TRRAP: variants seen among roughly 807,000 people sequenced by gnomAD.
TRRAP encodes the protein transformation/transcription domain-associated protein.
Under a neutral mutation model 438.8 loss-of-function variants are expected in TRRAP, and 41 were observed. That is an observed-to-expected ratio of 0.09 (90% CI 0.07 to 0.12). The LOEUF (loss-of-function observed/expected upper bound fraction) is 0.12. Ranked by LOEUF, TRRAP falls within the 10% of genes least tolerant of loss-of-function variation. The pLI is 1.00. For missense variants in TRRAP, 3,122 were observed against 5,055.1 expected, an observed-to-expected ratio of 0.62 and a Z score of 11.60; for synonymous variants, 1,994 against 1,962.9, an observed-to-expected ratio of 1.02 and a Z score of -0.42.
At chr7:98,927,902 T>A (rs1204959594) in intron 23 of TRRAP, among the ~76,000 whole-genome samples, 4 of 152,182 alleles carry the variant, frequency 2.6e-5, no homozygotes, top group African/African-American at 9.7e-5. Context: ...TTGTATTTGT[T>A]CACTTTTATT....
chr7:98,883,335 T>TA (rs1795546891), intron 3 of TRRAP, among the ~76,000 whole-genome samples: 2 of 152,248 alleles, frequency 1.3e-5, no homozygotes, highest in South Asian at 4.1e-4. Flanking sequence ...TGGTTCTTCA[T>TA]ACATTTCATT....
chr7:98,913,941 C>G (rs1789399964), intron 18 of TRRAP, among the ~76,000 whole-genome samples: 1 of 152,274 alleles, frequency 6.6e-6, no homozygotes, highest in East Asian at 1.9e-4. Flanking sequence ...GAGATGCTTT[C>G]TTGGGAAAAT....
In TRRAP at chr7:98,894,783, G is replaced by GTTTTTTTTTTTTTTTT. The variant is rs56407045; in HGVS notation, c.450+912_450+927dup. On this transcript the variant is annotated intron_variant, in intron 6 of 72. Coordinates refer to ENST00000456197, the MANE Select transcript of TRRAP (RefSeq NM_001375524.1). ...CTTATGCCACCACACCCAGCTAATG[G>GTTTTTTTTTTTTTTTT]TTTTTTTTTTTTTTTTTTTTTTTTT... Among the ~76,000 whole-genome samples, 23 of 87,416 alleles carry GTTTTTTTTTTTTTTTT rather than the reference G, an allele frequency of 2.6e-4. 1 individual carries two copies. The highest frequency in any genetic ancestry group is 5.2e-4 in the South Asian group (1 of 1,924). The allele number at this position is 87,416 out of a possible 152,430, so 57.3% of individuals were successfully genotyped here. A position where few individuals can be genotyped will look rare whatever the true frequency, so the allele number is the denominator to read the frequency against.
intron 37 of TRRAP, 39 bp downstream of exon 37, chr7:98,949,880 C>G (rs781931878): frequency 1.9e-5 from 31 of 1,594,926 alleles, no homozygotes; most frequent in East Asian, 1.8e-4. Flanking sequence ...GGGACTGGCT[C>G]TGTCCCAAAA....
Position 98,933,414 on chromosome 7 carries a change from G to A in TRRAP, c.4014+12G>A, listed in dbSNP as rs782632173. On this transcript the variant is annotated intron_variant, in intron 27 of 72. Transcript: ENST00000456197. ...TGTTCTACACAGAGGTAGGGGGGTG[G>A]TGGTGCGGAGTGGTGTGGATGGTGA... 1 of 1,609,568 alleles carries A rather than the reference G, an allele frequency of 6.2e-7. No individual in the cohort carries two copies. Among genetic ancestry groups the A allele is most frequent in the Non-Finnish European group, 8.5e-7 (1 of 1,178,358 alleles).
intron 24 of TRRAP, 90 bp from the exon 25 acceptor site, chr7:98,930,543 A>G: frequency 6.6e-7 from 1 of 1,525,112 alleles, no homozygotes; most frequent in East Asian, 2.3e-5. Flanking sequence ...ACACCATTGC[A>G]CTCCGGCCTG....
In TRRAP at chr7:98,961,244, T is replaced by C. The variant is rs769536935; in HGVS notation, c.6490-17T>C. 2.5e-6 allele frequency: 4 copies of C among 1,612,942 alleles called. No individual in the cohort carries two copies. The South Asian group carries it at 3.3e-5, about 13-fold the overall frequency. ...GTGTTTGTTTCCTCTGTGAGTGGCC[T>C]GTGTTGTCCATTGCAGGAGCAGCCA... is the stretch of plus-strand genomic sequence containing the variant. On this transcript the variant is annotated splice_polypyrimidine_tract_variant and intron_variant, in intron 45 of 72. Transcript: ENST00000456197.
chr7:98,921,997 A>G (rs201941452), intron 21 of TRRAP, 44 bp downstream of exon 21: 1 of 1,612,154 alleles, frequency 6.2e-7, no homozygotes, highest in African/African-American at 1.3e-5. Flanking sequence ...CCTTGTGAAG[A>G]TACTATGTTT....
intron 3 of TRRAP, among the ~76,000 whole-genome samples, chr7:98,887,877 G>T (rs1281424753): frequency 6.6e-6 from 1 of 151,700 alleles, no homozygotes; most frequent in South Asian, 2.1e-4. Context: ...TTTCTCTTTA[G>T]CCCCATATTT....
intron 27 of TRRAP, 122 bp from the exon 28 acceptor site, chr7:98,935,457 C>A: frequency 1.3e-6 from 1 of 767,432 alleles, no homozygotes; most frequent in Non-Finnish European, 2.0e-6. Context: ...AGGATTTGAG[C>A]TTAGTTTGTC....
intron 59 of TRRAP, among the ~76,000 whole-genome samples, chr7:98,982,429 A>G (rs1230146590): frequency 6.6e-6 from 1 of 152,262 alleles, no homozygotes; most frequent in African/African-American, 2.4e-5. Context: ...ACTAAGTGTT[A>G]TGTTTAGGAG....
At chr7:98,959,238 C>A in intron 44 of TRRAP, 106 bp from the exon 45 acceptor site, 1 of 1,469,692 alleles carries the variant, frequency 6.8e-7, no homozygotes, top group Non-Finnish European at 9.3e-7. Flanking sequence ...AGGTGAAGAT[C>A]TGAGACAGGT....
chr7:98,964,383 C>T (rs1288502790), intron 47 of TRRAP, among the ~76,000 whole-genome samples: 3 of 152,040 alleles, frequency 2.0e-5, no homozygotes, highest in African/African-American at 7.2e-5. Flanking sequence ...AAGGTAAGAA[C>T]GTTGTTTCTA....
chr7:98,904,510 T>C (rs1285849551), intron 12 of TRRAP, among the ~76,000 whole-genome samples: 1 of 111,690 alleles, frequency 9.0e-6, no homozygotes, highest in African/African-American at 3.6e-5. Context: ...AAAAAAAAAA[T>C]ACTTTTCATG....
At chr7:98,942,871 T>C in intron 30 of TRRAP, 78 bp from the exon 31 acceptor site, 9 of 1,500,830 alleles carry the variant, frequency 6.0e-6, no homozygotes, top group South Asian at 2.3e-5. Flanking sequence ...ACGATGGAAA[T>C]GAATGATTAC....
intron 28 of TRRAP, among the ~76,000 whole-genome samples, chr7:98,936,481 C>G (rs565319416): frequency 1.7e-4 from 26 of 152,272 alleles, no homozygotes; most frequent in African/African-American, 6.3e-4. Flanking sequence ...ATGAATGTTA[C>G]CTGTCACCTG....
At chr7:98,973,547 C>T (rs554633305) in intron 53 of TRRAP, among the ~76,000 whole-genome samples, 2 of 152,350 alleles carry the variant, frequency 1.3e-5, no homozygotes, top group South Asian at 4.1e-4. Flanking sequence ...TCTGTGGGGC[C>T]ATGGCTGCTC....
intron 65 of TRRAP, among the ~76,000 whole-genome samples, chr7:98,993,010 A>G (rs1243772128): frequency 2.6e-5 from 4 of 152,230 alleles, no homozygotes; most frequent in Non-Finnish European, 4.4e-5. Context: ...AGGCTCTGCA[A>G]TGTATCTCAC....
At chr7:98,925,887 AG>A (rs1554411464) in intron 22 of TRRAP, among the ~76,000 whole-genome samples, 1 of 152,222 alleles carries the variant, frequency 6.6e-6, no homozygotes, top group African/African-American at 2.4e-5. Context: ...CAAATGCACA[AG>A]GAAGTAAAGC....
Sources: gnomAD v4.1 joint callset for allele counts (sites outside exome capture counted in the v4.1 genomes callset) on GRCh38, gnomAD v4.1.1 for gene constraint, MANE v1.5 for transcripts, NCBI Gene and HGNC (gene_info 2026-07-23, HGNC 2026-07-21) for gene names.